Variants in LHX8 observed in about 807,000 individuals in gnomAD.
LHX8 encodes the protein LIM homeobox 8.
A neutral mutation model predicts 40.3 loss-of-function variants in LHX8; 12 were observed. The observed-to-expected ratio is 0.30, with a 90% CI of 0.19 to 0.48. The LOEUF (loss-of-function observed/expected upper bound fraction) is 0.48. Ranked by LOEUF, LHX8 falls within the 20% of genes least tolerant of loss-of-function variation. The pLI is 0.99. For synonymous variants in LHX8, 179 were observed against 162.0 expected, an observed-to-expected ratio of 1.10 and a Z score of -0.80; for missense variants, 344 against 433.7, an observed-to-expected ratio of 0.79 and a Z score of 1.84.
chr1:75,169,979 G>C, the LHX8 span, among the ~76,000 whole-genome samples: 44 of 152,312 alleles, frequency 2.9e-4, no homozygotes, highest in African/African-American at 8.2e-4. Context: ...GAGCCTGCCA[G>C]CTATGCCAGC....
chr1:75,131,873 G>C (rs1399358327), upstream of LHX8: 1 of 152,204 alleles, frequency 6.6e-6, no homozygotes, highest in Non-Finnish European at 1.5e-5. Context: ...TAGACACCTT[G>C]GGTGGGCCTG....
At chr1:75,173,479 T>C in the LHX8 span, among the ~76,000 whole-genome samples, 2 of 146,678 alleles carry the variant, frequency 1.4e-5, no homozygotes, top group African/African-American at 5.1e-5. Context: ...CACCTCCGGG[T>C]TCACGCCATT....
intron 7 of LHX8, 97 bp downstream of exon 7, chr1:75,148,779 G>A (rs1557491145): frequency 2.4e-6 from 2 of 836,816 alleles, no homozygotes; most frequent in Non-Finnish European, 3.9e-6. Context: ...TTGAGCTTAA[G>A]TGATTCTCCC....
intron 7 of LHX8, among the ~76,000 whole-genome samples, chr1:75,156,380 T>A (rs1412927951): frequency 6.6e-6 from 1 of 152,056 alleles, no homozygotes; most frequent in African/African-American, 2.4e-5. Flanking sequence ...TAGCTAGGAT[T>A]ATAGGTACCA....
downstream of LHX8, among the ~76,000 whole-genome samples, chr1:75,165,358 G>C (rs996781150): frequency 1.3e-5 from 2 of 152,134 alleles, no homozygotes; most frequent in Admixed American, 6.6e-5. Context: ...AATGTATAGA[G>C]ATCTTAGGAG....
At chr1:75,157,757 T>G (rs1165004918) in intron 8 of LHX8, among the ~76,000 whole-genome samples, 1 of 152,212 alleles carries the variant, frequency 6.6e-6, no homozygotes. Flanking sequence ...GTTATTTGTT[T>G]TCATTGTTAT....
In LHX8 at chr1:75,148,695, CTTTTTTT is replaced by C; in HGVS notation, c.780+21_780+27del. Reference sequence around the variant, plus strand: ...ACGTGTGATACAGGTGATTACTTTACTTTTTTTTTTTTTTAAGGTTTTTAAAAAATAG... The same window carrying C: ...ACGTGTGATACAGGTGATTACTTTACTTTTTTTAAGGTTTTTAAAAAATAG... On this transcript the variant is annotated intron_variant, in intron 7 of 8. Transcript: ENST00000356261. 7.5e-7 allele frequency: 1 copy of C among 1,339,590 alleles called. No individual in the cohort carries two copies. Among genetic ancestry groups the C allele is most frequent in the Non-Finnish European group, 1.0e-6 (1 of 955,068 alleles). The allele number at this position is 1,339,590 out of a possible 1,614,324, so 83.0% of individuals were successfully genotyped here. A position where few individuals can be genotyped will look rare whatever the true frequency, so the allele number is the denominator to read the frequency against.
chr1:75,142,570 A>G (rs1648344589), intron 4 of LHX8, among the ~76,000 whole-genome samples: 1 of 152,162 alleles, frequency 6.6e-6, no homozygotes, highest in Non-Finnish European at 1.5e-5. Flanking sequence ...TTCTCACCCA[A>G]CAGGGTGAAG....
intron 7 of LHX8, 68 bp from the exon 8 acceptor site, chr1:75,156,825 T>C: frequency 6.9e-7 from 1 of 1,439,590 alleles, no homozygotes; most frequent in Non-Finnish European, 9.8e-7. Flanking sequence ...ATTTTTTAAC[T>C]GAGTTGATAA....
At chr1:75,177,606 C>T in the LHX8 span, among the ~76,000 whole-genome samples, 1 of 152,178 alleles carries the variant, frequency 6.6e-6, no homozygotes, top group South Asian at 2.1e-4. Context: ...AATATACGAT[C>T]ATGTCATCGG....
At chr1:75,188,425 T>C in the LHX8 span, among the ~76,000 whole-genome samples, 1 of 152,206 alleles carries the variant, frequency 6.6e-6, no homozygotes, top group African/African-American at 2.4e-5. Flanking sequence ...TTCAGGAACT[T>C]ACAGGTCAAG....
chr1:75,175,690 C>A, the LHX8 span, among the ~76,000 whole-genome samples: 1 of 151,590 alleles, frequency 6.6e-6, no homozygotes, highest in African/African-American at 2.4e-5. Context: ...TTTTATTATA[C>A]TTTAAGTTCT....
chr1:75,191,214 G>T, the LHX8 span, among the ~76,000 whole-genome samples: 1 of 151,844 alleles, frequency 6.6e-6, no homozygotes. Context: ...ACACAGCCAG[G>T]CCAAGAATGA....
chr1:75,136,010 A>G (rs1455021787), intron 1 of LHX8, among the ~76,000 whole-genome samples: 1 of 152,232 alleles, frequency 6.6e-6, no homozygotes, highest in Non-Finnish European at 1.5e-5. Context: ...CGGAACAAAC[A>G]CCAGGCTTCT....
chr1:75,164,030 T>G (rs1648983291), downstream of LHX8, among the ~76,000 whole-genome samples: 1 of 152,242 alleles, frequency 6.6e-6, no homozygotes, highest in Non-Finnish European at 1.5e-5. Flanking sequence ...TTTCTGTTGT[T>G]CATAAATTAC....
the LHX8 span, among the ~76,000 whole-genome samples, chr1:75,183,628 A>C: frequency 6.6e-6 from 1 of 152,244 alleles, no homozygotes. Context: ...TGAAAGAAGC[A>C]CTAAATATGG....
At chr1:75,133,448 T>G (rs1648026784), upstream of LHX8, among the ~76,000 whole-genome samples, 1 of 152,094 alleles carries the variant, frequency 6.6e-6, no homozygotes, top group South Asian at 2.1e-4. Context: ...GTGTGTGTGT[T>G]TTACATATAT....
chr1:75,152,338 G>T (rs1289552034), intron 7 of LHX8, among the ~76,000 whole-genome samples: 1 of 152,090 alleles, frequency 6.6e-6, no homozygotes. Flanking sequence ...TGAAGTCAAA[G>T]AATAAAGATG....
Position 75,161,468 on chromosome 1 carries a change from A to T in LHX8, c.*573A>T, listed in dbSNP as rs1019665710. On this transcript the variant is annotated 3_prime_UTR_variant, in exon 9 of 9. Transcript: ENST00000356261. Reference sequence around the variant, plus strand: ...TTGATGAATTATGGCTGTAAATAACACTATAGTTTAATAAGCCCACCATTC... The same window carrying T: ...TTGATGAATTATGGCTGTAAATAACTCTATAGTTTAATAAGCCCACCATTC... 7 of 153,318 alleles carry T rather than the reference A, an allele frequency of 4.6e-5. No individual in the cohort carries two copies. Among genetic ancestry groups the T allele is most frequent in the African/African-American group, 1.4e-4 (6 of 41,440 alleles). 9.5% of individuals were successfully genotyped at this position (153,318 alleles called of 1,614,324 possible).
Sources: gnomAD v4.1 joint callset for allele counts (sites outside exome capture counted in the v4.1 genomes callset) on GRCh38, gnomAD v4.1.1 for gene constraint, MANE v1.5 for transcripts, NCBI Gene and HGNC (gene_info 2026-07-23, HGNC 2026-07-21) for gene names.